DNAJC15: variants seen among roughly 807,000 people sequenced by gnomAD.
DNAJC15 encodes DnaJ heat shock protein family (Hsp40) member C15.
DNAJC15 carries 27 observed loss-of-function variants against 22.4 expected under a neutral mutation model. The ratio of observed to expected loss-of-function variants is 1.20; its 90% CI spans 0.89 to 1.66. DNAJC15 has a LOEUF of 1.66. Ranked by LOEUF, DNAJC15 falls within the 40% of genes most tolerant of loss-of-function variation. The pLI is 0.00. For missense variants in DNAJC15, 208 were observed against 187.1 expected, an observed-to-expected ratio of 1.11 and a Z score of -0.65; for synonymous variants, 79 against 63.2, an observed-to-expected ratio of 1.25 and a Z score of -1.19.
intron 1 of DNAJC15, among the ~76,000 whole-genome samples, chr13:43,051,815 G>C (rs906754654): frequency 2.0e-5 from 3 of 152,122 alleles, no homozygotes; most frequent in Non-Finnish European, 4.4e-5. Context: ...CCAAGAGTGG[G>C]ATTGCTGGAT....
Position 43,023,704 on chromosome 13 carries a change from G to A in DNAJC15, c.78G>A (p.Arg26=), listed in dbSNP as rs755650270. Residue 26 remains arginine (R), a synonymous_variant, in exon 1 of 6, where the codon CGG becomes CGA. Coordinates refer to ENST00000379221, the MANE Select transcript of DNAJC15 (RefSeq NM_013238.3). ...AGTACTTGCAGCCCTCGGCCAAACGGCCAGACGCCGACGTCGACCAGCAGA... is the reference window on the plus strand; with the variant it reads ...AGTACTTGCAGCCCTCGGCCAAACGACCAGACGCCGACGTCGACCAGCAGA... The part of the protein sequence containing the change: ...YAEYLQPSAK[R]PDADVDQQRL... The A allele has an allele frequency of 2.2e-5, 35 of 1,611,624 alleles. No individual in the cohort carries two copies. In the South Asian group the frequency reaches 3.8e-4, roughly 17 times the overall value.
intron 1 of DNAJC15, among the ~76,000 whole-genome samples, chr13:43,034,390 A>T (rs1263669300): frequency 3.1e-5 from 4 of 129,596 alleles, no homozygotes; most frequent in Admixed American, 1.0e-4. Context: ...ATCTCGGCTC[A>T]CTTCAAGCTC....
intron 4 of DNAJC15, 22 bp from the exon 5 acceptor site, chr13:43,085,746 G>C (rs369956960): frequency 6.3e-7 from 1 of 1,598,760 alleles, no homozygotes; most frequent in African/African-American, 1.3e-5. Flanking sequence ...TTTATTATAA[G>C]CACTGTAATT....
chr13:43,111,988 G>A lies in DNAJC15; in HGVS notation c.*4740G>A, dbSNP rs2040827090. 2.6e-5 allele frequency: 4 copies of A among 152,204 alleles called. No individual in the cohort carries two copies. Among genetic ancestry groups the A allele is most frequent in the Admixed American group, 2.6e-4 (4 of 15,278 alleles). The allele number at this position is 152,204 out of a possible 1,614,324, so 9.4% of individuals were successfully genotyped here. ...ATTTATTAGCTGGAAAAGTTGAGAAGGTTCTCTGGACTCATTTTTATAGGT... is the reference window on the plus strand; with the variant it reads ...ATTTATTAGCTGGAAAAGTTGAGAAAGTTCTCTGGACTCATTTTTATAGGT... On this transcript the variant is annotated 3_prime_UTR_variant, in exon 6 of 6. Transcript: ENST00000379221.
intron 1 of DNAJC15, among the ~76,000 whole-genome samples, chr13:43,052,291 T>C (rs1156509811): frequency 2.6e-5 from 4 of 152,132 alleles, no homozygotes; most frequent in African/African-American, 9.7e-5. Context: ...TTATGGCCAT[T>C]CTTGCTGGAG....
chr13:43,046,471 C>CTTGTAA (rs2040477646), intron 1 of DNAJC15, among the ~76,000 whole-genome samples: 1 of 151,976 alleles, frequency 6.6e-6, no homozygotes, highest in Non-Finnish European at 1.5e-5. Flanking sequence ...GGTGACCGCA[C>CTTGTAA]CTACCTTTAA....
At chr13:43,085,126 G>A (rs1268082977) in intron 4 of DNAJC15, among the ~76,000 whole-genome samples, 1 of 152,158 alleles carries the variant, frequency 6.6e-6, no homozygotes, top group East Asian at 1.9e-4. Context: ...CATTTTGGGA[G>A]GCCAAGGTGG....
intron 1 of DNAJC15, among the ~76,000 whole-genome samples, chr13:43,045,378 T>C (rs1386828940): frequency 6.6e-6 from 1 of 152,218 alleles, no homozygotes; most frequent in African/African-American, 2.4e-5. Context: ...TTTATTCAGC[T>C]GGGAGCATCG....
intron 3 of DNAJC15, among the ~76,000 whole-genome samples, chr13:43,073,589 T>C (rs538354770): frequency 6.6e-6 from 1 of 152,362 alleles, no homozygotes; most frequent in African/African-American, 2.4e-5. Flanking sequence ...TTATTGTTGT[T>C]GACTCTGAAT....
At chr13:43,065,589 G>A in intron 1 of DNAJC15, 97 bp from the exon 2 acceptor site, 1 of 982,950 alleles carries the variant, frequency 1.0e-6, no homozygotes, top group South Asian at 1.4e-5. Flanking sequence ...TAAAGAAAGT[G>A]TAGTATTGTA....
At chr13:43,073,883 T>C (rs1359416620) in intron 3 of DNAJC15, among the ~76,000 whole-genome samples, 1 of 151,870 alleles carries the variant, frequency 6.6e-6, no homozygotes, top group Non-Finnish European at 1.5e-5. Context: ...TAAATTAATG[T>C]ATTAATGTAT....
intron 1 of DNAJC15, among the ~76,000 whole-genome samples, chr13:43,028,664 C>A (rs1593307168): frequency 6.6e-6 from 1 of 152,126 alleles, no homozygotes; most frequent in Admixed American, 6.6e-5. Flanking sequence ...TTGCACTGTA[C>A]CCTGTACTAT....
At chr13:43,070,312 A>C (rs2040602750) in intron 3 of DNAJC15, among the ~76,000 whole-genome samples, 1 of 152,146 alleles carries the variant, frequency 6.6e-6, no homozygotes, top group African/African-American at 2.4e-5. Context: ...TTTATATTTT[A>C]TTTGGCTAAA....
At chr13:43,087,245 C>T (rs1194850809) in intron 5 of DNAJC15, among the ~76,000 whole-genome samples, 1 of 152,160 alleles carries the variant, frequency 6.6e-6, no homozygotes, top group Non-Finnish European at 1.5e-5. Flanking sequence ...CATATAACTG[C>T]TCATTCACCC....
chr13:43,038,819 A>G (rs2040440644), intron 1 of DNAJC15, among the ~76,000 whole-genome samples: 2 of 143,354 alleles, frequency 1.4e-5, no homozygotes, highest in Admixed American at 1.4e-4. Context: ...AAAAAAAAAA[A>G]GGAAAATACC....
chr13:43,025,709 G>A (rs928042763), intron 1 of DNAJC15, among the ~76,000 whole-genome samples: 2 of 152,204 alleles, frequency 1.3e-5, no homozygotes, highest in Non-Finnish European at 2.9e-5. Flanking sequence ...TTCGAGACCA[G>A]CCTGGCCAAC....
In DNAJC15 at chr13:43,051,036, G is replaced by A. The variant is rs573470135; in HGVS notation, c.109-14650G>A. Among the ~76,000 whole-genome samples the A allele has an allele frequency of 2.7e-4, 41 of 152,192 alleles. 1 individual carries two copies. The highest frequency in any genetic ancestry group is 9.9e-4 in the African/African-American group (41 of 41,516). The stretch of plus-strand genomic sequence containing the variant: ...GCCGCCCAGGCTGGAGTGCAATGGC[G>A]CAATCTCAGCTCACTGCAACCTCCG... On this transcript the variant is annotated intron_variant, in intron 1 of 5. Coordinates refer to ENST00000379221, the MANE Select transcript of DNAJC15 (RefSeq NM_013238.3).
chr13:43,035,352 C>T (rs561668167), intron 1 of DNAJC15, among the ~76,000 whole-genome samples: 1 of 152,216 alleles, frequency 6.6e-6, no homozygotes, highest in African/African-American at 2.4e-5. Flanking sequence ...AGTAAAGAAC[C>T]TGTCTCTGGG....
intron 1 of DNAJC15, among the ~76,000 whole-genome samples, chr13:43,024,681 A>G (rs2040371434): frequency 6.6e-6 from 1 of 151,976 alleles, no homozygotes; most frequent in African/African-American, 2.4e-5. Context: ...AAACAACTGA[A>G]GAGAAACAGG....
Sources: allele counts gnomAD v4.1 joint callset (sites outside exome capture counted in the v4.1 genomes callset), GRCh38; gene constraint gnomAD v4.1.1; transcripts MANE v1.5; gene names NCBI Gene and HGNC (gene_info 2026-07-23, HGNC 2026-07-21).